ELOVL6: variants seen among roughly 807,000 people sequenced by gnomAD.
The protein encoded by ELOVL6 is ELOVL fatty acid elongase 6, also known as very long chain fatty acid elongase 6.
Under a neutral mutation model 31.7 loss-of-function variants are expected in ELOVL6, and 8 were observed. The ratio of observed to expected loss-of-function variants is 0.25; its 90% confidence interval spans 0.15 to 0.45. The LOEUF is 0.45. ELOVL6 is among the 20% of genes least tolerant of loss of function. The pLI is 1.00. For synonymous variants in ELOVL6, 101 were observed against 117.7 expected (o/e 0.86, Z 0.92); for missense variants, 126 against 326.4 (o/e 0.39, Z 4.73).
intron 2 of ELOVL6, among the ~76,000 whole-genome samples, chr4:110,069,101 G>A (rs377030969): frequency 1.3e-5 from 2 of 150,500 alleles, no homozygotes; most frequent in East Asian, 3.9e-4. Flanking sequence ...CTGCACTCCA[G>A]CCTGGGTGAC....
chr4:110,127,356 G>A lies in ELOVL6; in HGVS notation c.90-21728C>T, dbSNP rs573202176. On this transcript the variant is annotated intron_variant, in intron 1 of 3. Transcript: ENST00000302274. The stretch of plus-strand genomic sequence containing the variant: ...CGGGAGGCAGAGGTTGCAGTGAGCC[G>A]AGATCGTGCCATTGCATTCCAGCCT... Among the ~76,000 whole-genome samples, 30 of 135,924 alleles carry A rather than the reference G, an allele frequency of 2.2e-4. No individual in the cohort carries two copies. In the South Asian group the frequency reaches 4.1e-3, roughly 18 times the overall value. The allele number at this position is 135,924 out of a possible 152,430, so 89.2% of individuals were successfully genotyped here.
At chr4:110,092,820 C>CAA (rs397957084) in intron 2 of ELOVL6, among the ~76,000 whole-genome samples, 8 of 151,856 alleles carry the variant, frequency 5.3e-5, no homozygotes, top group Admixed American at 2.0e-4. Context: ...CACACACACA[C>CAA]GTGCACACAT....
chr4:110,165,203 C>T lies in ELOVL6; in HGVS notation c.89+33044G>A, dbSNP rs184415153. On this transcript the variant is annotated intron_variant, in intron 1 of 3. Coordinates refer to ENST00000302274, the MANE Select transcript of ELOVL6 (RefSeq NM_024090.3). ...ATATCTACAAACTATAAGCAACCCT[C>T]TCCATTATCCTCTCACAGAAAACAA... 1.1e-3 allele frequency among the ~76,000 whole-genome samples: 172 copies of T among 152,312 alleles called. 1 individual carries two copies. The highest frequency in any genetic ancestry group is 3.9e-3 in the African/African-American group (163 of 41,568).
intron 1 of ELOVL6, among the ~76,000 whole-genome samples, chr4:110,131,362 A>G (rs1225402627): frequency 2.0e-5 from 3 of 152,166 alleles, no homozygotes; most frequent in African/African-American, 7.2e-5. Flanking sequence ...CAAATCCTCA[A>G]GTTCATATTA....
intron 1 of ELOVL6, among the ~76,000 whole-genome samples, chr4:110,143,437 C>T (rs1758021302): frequency 1.3e-5 from 2 of 152,108 alleles, no homozygotes; most frequent in South Asian, 4.1e-4. Flanking sequence ...TGATTTCATG[C>T]TGATTTTCAG....
intron 1 of ELOVL6, among the ~76,000 whole-genome samples, chr4:110,164,532 A>G (rs1344506895): frequency 6.6e-6 from 1 of 152,030 alleles, no homozygotes; most frequent in Non-Finnish European, 1.5e-5. Flanking sequence ...TTGGGAAGCC[A>G]AGGCAGAAAC....
intron 1 of ELOVL6, among the ~76,000 whole-genome samples, chr4:110,131,888 G>C (rs1185672456): frequency 1.5e-4 from 23 of 150,898 alleles, no homozygotes; most frequent in Admixed American, 1.5e-3. Context: ...AAGAGGATAG[G>C]GGAAAAAAAT....
chr4:110,129,891 ATTTTTT>A (rs371838858), intron 1 of ELOVL6, among the ~76,000 whole-genome samples: 21,801 of 93,528 alleles, frequency 0.23, 1,720 homozygotes, highest in South Asian at 0.35. Context: ...ATCCAATCCA[ATTTTTT>A]TTTTTTTTTT....
intron 1 of ELOVL6, among the ~76,000 whole-genome samples, chr4:110,107,975 A>G (rs1756930858): frequency 6.6e-6 from 1 of 152,214 alleles, no homozygotes; most frequent in African/African-American, 2.4e-5. Flanking sequence ...GTAAACTTTC[A>G]GAAGAAAAAG....
chr4:110,083,318 A>T (rs1755939601), intron 2 of ELOVL6, among the ~76,000 whole-genome samples: 1 of 151,774 alleles, frequency 6.6e-6, no homozygotes, highest in Non-Finnish European at 1.5e-5. Flanking sequence ...AAGTCCTCTC[A>T]GAAGCGGGGA....
chr4:110,125,656 C>T (rs1028033075), intron 1 of ELOVL6, among the ~76,000 whole-genome samples: 2 of 150,882 alleles, frequency 1.3e-5, no homozygotes, highest in East Asian at 2.0e-4. Flanking sequence ...CCCCATCTCT[C>T]TTAAAAAAAA....
intron 1 of ELOVL6, among the ~76,000 whole-genome samples, chr4:110,188,796 G>A (rs1759521089): frequency 6.6e-6 from 1 of 151,750 alleles, no homozygotes; most frequent in South Asian, 2.1e-4. Context: ...AGAGGCTGAG[G>A]CGGAGAGTTG....
chr4:110,095,339 G>A (rs964829103), intron 2 of ELOVL6, among the ~76,000 whole-genome samples: 2 of 152,068 alleles, frequency 1.3e-5, no homozygotes, highest in Non-Finnish European at 2.9e-5. Context: ...AAAATTAGCT[G>A]GGCGTGGTGG....
rs1560815682 is a variant in ELOVL6 at position 110,084,549 on chromosome 4, C to CAGATATATATTTAT, written c.221+20947_221+20948insATAAATATATATCT. Among the ~76,000 whole-genome samples, 10 of 72,728 alleles carry CAGATATATATTTAT rather than the reference C, an allele frequency of 1.4e-4. 1 individual carries two copies. The highest frequency in any genetic ancestry group is 6.1e-4 in the African/African-American group (8 of 13,172). 47.7% of individuals were successfully genotyped at this position (72,728 alleles called of 152,430 possible). On this transcript the variant is annotated intron_variant, in intron 2 of 3. Transcript: ENST00000302274. ...ATACACTTACACACACACACACACA[C>CAGATATATATTTAT]ACACACACACACAGATATATATATA... is the stretch of plus-strand genomic sequence containing the variant.
At chr4:110,142,340 C>T (rs1048949142) in intron 1 of ELOVL6, among the ~76,000 whole-genome samples, 9 of 151,532 alleles carry the variant, frequency 5.9e-5, no homozygotes, top group Non-Finnish European at 1.0e-4. Context: ...CCACCGCACC[C>T]GGCCACCCCT....
chr4:110,158,630 C>A (rs1233393395), intron 1 of ELOVL6, among the ~76,000 whole-genome samples: 1 of 77,054 alleles, frequency 1.3e-5, no homozygotes. Context: ...CACATATATA[C>A]ACGTGTATAT....
At chr4:110,116,548 A>G (rs2126251497) in intron 1 of ELOVL6, among the ~76,000 whole-genome samples, 1 of 152,366 alleles carries the variant, frequency 6.6e-6, no homozygotes, top group East Asian at 1.9e-4. Context: ...CTATGTTCAG[A>G]ATTTCTAGTA....
intron 1 of ELOVL6, among the ~76,000 whole-genome samples, chr4:110,165,065 T>C (rs17612737): frequency 0.064 from 9,699 of 152,212 alleles, 358 homozygotes; most frequent in South Asian, 0.12. Flanking sequence ...GTCTTTATCA[T>C]GCCACCCAAA....
At chr4:110,124,397 C>T (rs1378416101) in intron 1 of ELOVL6, among the ~76,000 whole-genome samples, 1 of 152,152 alleles carries the variant, frequency 6.6e-6, no homozygotes, top group African/African-American at 2.4e-5. Flanking sequence ...GAGATCATGT[C>T]CTTTGCAGGG....
Sources: gnomAD v4.1 joint callset for allele counts (sites outside exome capture counted in the v4.1 genomes callset) on GRCh38, gnomAD v4.1.1 for gene constraint, MANE v1.5 for transcripts, NCBI Gene and HGNC (gene_info 2026-07-23, HGNC 2026-07-21) for gene names.